The following TMEM131 variants were observed in gnomAD, a reference collection of about 807,000 sequenced individuals.
The protein encoded by TMEM131 is transmembrane protein 131.
Under a neutral mutation model 211.6 loss-of-function variants are expected in TMEM131, and 66 were observed. The ratio of observed to expected loss-of-function variants is 0.31; its 90% CI spans 0.26 to 0.38. The LOEUF is 0.38. TMEM131 is among the 10% of genes least tolerant of loss of function. TMEM131 has a pLI of 1.00. For missense variants in TMEM131, 2,036 were observed against 2,299.3 expected (o/e 0.89, Z 2.34); for synonymous variants, 844 against 841.3 (o/e 1.00, Z -0.06).
chr2:97,822,087 C>A (rs1682151358), intron 11 of TMEM131, among the ~76,000 whole-genome samples: 3 of 152,192 alleles, frequency 2.0e-5, no homozygotes, highest in Admixed American at 6.5e-5. Context: ...CAAACTTCCT[C>A]TTGCCTCTCT....
At chr2:97,849,068 TTCA>T (rs1186641523) in intron 5 of TMEM131, among the ~76,000 whole-genome samples, 2 of 152,116 alleles carry the variant, frequency 1.3e-5, no homozygotes, top group Non-Finnish European at 2.9e-5. Flanking sequence ...AAAATCAATT[TTCA>T]CTGGAGAATG....
chr2:97,984,028 G>A (rs977039309), intron 1 of TMEM131, among the ~76,000 whole-genome samples: 1 of 151,988 alleles, frequency 6.6e-6, no homozygotes, highest in African/African-American at 2.4e-5. Flanking sequence ...TTTTACTTGG[G>A]GCTAGCCACA....
chr2:97,839,179 TA>T (rs1683076409), intron 7 of TMEM131, among the ~76,000 whole-genome samples: 1 of 152,002 alleles, frequency 6.6e-6, no homozygotes, highest in African/African-American at 2.4e-5. Flanking sequence ...TAAAAAACAT[TA>T]GCCAGGTGTG....
At chr2:97,827,347 G>A in intron 11 of TMEM131, 1 of 822,672 alleles carries the variant, frequency 1.2e-6, no homozygotes, top group Non-Finnish European at 2.2e-6. Flanking sequence ...AAAAGTGGAA[G>A]CAAAGCCGAA....
At chr2:97,882,042 T>C (rs1674957719) in intron 4 of TMEM131, among the ~76,000 whole-genome samples, 1 of 152,258 alleles carries the variant, frequency 6.6e-6, no homozygotes, top group African/African-American at 2.4e-5. Flanking sequence ...AATTTCATTT[T>C]CTTTGTCCCA....
chr2:97,949,540 C>T (rs540207446), intron 1 of TMEM131, among the ~76,000 whole-genome samples: 18 of 152,058 alleles, frequency 1.2e-4, no homozygotes, highest in African/African-American at 2.7e-4. Context: ...CAAGGCCAGG[C>T]GTGGTGGCTC....
intron 1 of TMEM131, among the ~76,000 whole-genome samples, chr2:97,936,457 A>G (rs1677449592): frequency 6.6e-6 from 1 of 152,196 alleles, no homozygotes; most frequent in Non-Finnish European, 1.5e-5. Context: ...TGCCCGGCTG[A>G]GTGTTTTGAT....
At chr2:97,864,683 A>G (rs529634596) in intron 4 of TMEM131, among the ~76,000 whole-genome samples, 2 of 152,360 alleles carry the variant, frequency 1.3e-5, no homozygotes, top group East Asian at 1.9e-4. Flanking sequence ...TACTGACTCC[A>G]AGAAATAACC....
chr2:97,979,021 C>T (rs1378942936), intron 1 of TMEM131, among the ~76,000 whole-genome samples: 1 of 152,234 alleles, frequency 6.6e-6, no homozygotes, highest in African/African-American at 2.4e-5. Flanking sequence ...ACGAAAACAA[C>T]ATGCAGCTCC....
intron 2 of TMEM131, among the ~76,000 whole-genome samples, chr2:97,923,194 T>G (rs1010684808): frequency 6.6e-6 from 1 of 152,178 alleles, no homozygotes; most frequent in Non-Finnish European, 1.5e-5. Flanking sequence ...GCAAGAGAAC[T>G]GCTGGAACCC....
intron 15 of TMEM131, among the ~76,000 whole-genome samples, chr2:97,813,406 T>C (rs1254585907): frequency 2.6e-5 from 4 of 152,332 alleles, no homozygotes; most frequent in Non-Finnish European, 4.4e-5. Context: ...TTCTCTCTTA[T>C]CTAAGCTTCT....
chr2:97,757,899 G>A (rs1251434384), intron 40 of TMEM131, among the ~76,000 whole-genome samples: 4 of 152,178 alleles, frequency 2.6e-5, no homozygotes, highest in Admixed American at 6.5e-5. Flanking sequence ...TTGGGAGGCC[G>A]ACGTGGGCGG....
chr2:97,766,577 G>A lies in TMEM131; in HGVS notation c.4474C>T (p.Pro1492Ser), dbSNP rs370551442. ...TTTCTACGTTGCTTACTTTCCAAAGGGGGAGTATATGGTAGTTCTAATGAA... is the reference window on the plus strand; with the variant it reads ...TTTCTACGTTGCTTACTTTCCAAAGAGGGAGTATATGGTAGTTCTAATGAA... ...PSSLELPYTPPLESKQRRNLP... is the reference protein window; with the variant it reads ...PSSLELPYTPSLESKQRRNLP... Residue 1492 changes from proline to serine, a missense_variant, in exon 34 of 41, where the codon CCT becomes TCT. This residue lies in a region of TMEM131 where 1,623 missense variants were observed against 1,805.9 expected (regional missense o/e 0.90). Transcript: ENST00000186436. 1.2e-6 allele frequency: 2 copies of A among 1,613,922 alleles called. No homozygotes were observed. The highest frequency in any genetic ancestry group is 1.1e-5 in the South Asian group (1 of 91,062).
At chr2:97,799,290 C>T (rs1163151585) in intron 25 of TMEM131, among the ~76,000 whole-genome samples, 3 of 151,750 alleles carry the variant, frequency 2.0e-5, no homozygotes, top group Non-Finnish European at 2.9e-5. Flanking sequence ...AAAAAGTCCT[C>T]GATTATGCCA....
In TMEM131 at chr2:97,971,984, G is replaced by A. The variant is rs539478046; in HGVS notation, c.187+23492C>T. Among the ~76,000 whole-genome samples the A allele has an allele frequency of 5.1e-4, 77 of 152,294 alleles. 1 individual carries two copies. Among genetic ancestry groups the A allele is most frequent in the African/African-American group, 1.8e-3 (76 of 41,568 alleles). ...GCACTTTGAGAGGCCAAGCTGGGTG[G>A]ATCACTTGAGGTCAGGAGTTTGAGA... On this transcript the variant is annotated intron_variant, in intron 1 of 40. Coordinates refer to ENST00000186436, the MANE Select transcript of TMEM131 (RefSeq NM_015348.2).
chr2:97,856,981 C>T (rs1573467359), intron 5 of TMEM131, among the ~76,000 whole-genome samples: 1 of 152,126 alleles, frequency 6.6e-6, no homozygotes, highest in East Asian at 1.9e-4. Context: ...GATTGGTTAA[C>T]TTGTTCCTTG....
At chr2:97,954,576 G>A (rs554192594) in intron 1 of TMEM131, among the ~76,000 whole-genome samples, 51 of 152,218 alleles carry the variant, frequency 3.4e-4, no homozygotes, top group African/African-American at 1.2e-3. Context: ...AGGCCAAGGC[G>A]GGTGGATCAC....
In TMEM131 at chr2:97,825,119, G is replaced by A. The variant is rs1682313938; in HGVS notation, c.1075-6398C>T. On this transcript the variant is annotated intron_variant, in intron 11 of 40. Coordinates refer to ENST00000186436, the MANE Select transcript of TMEM131 (RefSeq NM_015348.2). ...CCACATGTCCCAACTTATGTGGACG[G>A]TCTTATGCCAAGGGTTTAGGGATAG... 2.0e-5 allele frequency among the ~76,000 whole-genome samples: 3 copies of A among 152,274 alleles called. No individual in the cohort carries two copies. In the South Asian group the frequency reaches 6.2e-4, roughly 32 times the overall value.
intron 11 of TMEM131, among the ~76,000 whole-genome samples, chr2:97,825,572 T>C (rs1042988602): frequency 6.6e-6 from 1 of 152,168 alleles, no homozygotes; most frequent in Non-Finnish European, 1.5e-5. Flanking sequence ...TCTAGTAGAA[T>C]AGGAACCAGA....
Sources: allele counts gnomAD v4.1 joint callset (sites outside exome capture counted in the v4.1 genomes callset), GRCh38; gene constraint gnomAD v4.1.1; regional missense constraint gnomAD v4.1.1; transcripts MANE v1.5; gene names NCBI Gene and HGNC (gene_info 2026-07-23, HGNC 2026-07-21).